The following ATP6V1E2 variants were observed in gnomAD, a reference collection of about 807,000 sequenced individuals.
ATP6V1E2 encodes the protein ATPase H+ transporting V1 subunit E2.
For synonymous variants in ATP6V1E2, 121 were observed against 104.2 expected, an observed-to-expected ratio of 1.16 and a Z score of -0.98; for missense variants, 308 against 273.3, an observed-to-expected ratio of 1.13 and a Z score of -0.90.
Position 46,512,067 on chromosome 2 carries a change from C to G in ATP6V1E2, c.645G>C (p.Leu215Phe), listed in dbSNP as rs183405788. ...KQKMPEIRMA[L>F]FGANTNRKFF... ...ACTTTCTGTTGGTGTTAGCACCAAA[C>G]AAGGCCATTCGTATTTCTGGCATCT... is the stretch of plus-strand genomic sequence containing the variant. The change falls in exon 5 of 5, where the codon TTG (leucine) becomes TTC (phenylalanine). Residue 215 changes from leucine to phenylalanine, a missense_variant. Transcript: ENST00000522587. The G allele has an allele frequency of 6.2e-7, 1 of 1,611,306 alleles. No individual in the cohort carries two copies. Among genetic ancestry groups the G allele is most frequent in the Non-Finnish European group, 8.5e-7 (1 of 1,178,702 alleles).
chr2:46,527,029 C>T (rs991132531), intron 4 of ATP6V1E2, among the ~76,000 whole-genome samples: 6 of 152,108 alleles, frequency 3.9e-5, no homozygotes, highest in African/African-American at 1.4e-4. Context: ...CACATCTTTG[C>T]CAGTACTTGC....
At chr2:46,540,693 G>T (rs1667709191) in intron 2 of ATP6V1E2, among the ~76,000 whole-genome samples, 1 of 141,562 alleles carries the variant, frequency 7.1e-6, no homozygotes, top group African/African-American at 2.7e-5. Flanking sequence ...TTCTGTTGCG[G>T]TCTGATTGGT....
In ATP6V1E2 at chr2:46,525,193, G is replaced by A. The variant is rs190391156; in HGVS notation, c.-102+10620C>T. 9.2e-4 allele frequency among the ~76,000 whole-genome samples: 139 copies of A among 151,736 alleles called. 2 individuals are homozygous for A. Among genetic ancestry groups the A allele is most frequent in the Non-Finnish European group, 1.4e-3 (98 of 67,894 alleles). On this transcript the variant is annotated intron_variant, in intron 4 of 4. Transcript: ENST00000522587. ...AGGTTGTGAGAAAGCAGGGACAGGC[G>A]GCCGGGCGCGGTGGCTCACGCCTGT...
intron 4 of ATP6V1E2, among the ~76,000 whole-genome samples, chr2:46,525,261 T>G (rs1317902879): frequency 6.7e-6 from 1 of 149,548 alleles, no homozygotes; most frequent in Non-Finnish European, 1.5e-5. Context: ...GATCACGAGG[T>G]CAGGAGATCG....
intron 2 of ATP6V1E2, among the ~76,000 whole-genome samples, chr2:46,540,440 A>T (rs1457496004): frequency 6.6e-6 from 1 of 150,598 alleles, no homozygotes; most frequent in Non-Finnish European, 1.5e-5. Flanking sequence ...CTATCTCAAA[A>T]AAAAAAAAAA....
rs1687485751 is a variant in ATP6V1E2 at position 46,512,147 on chromosome 2, T to C, written c.565A>G (p.Arg189Gly). The part of the protein sequence containing the change: ...GGVEVYSGNQ[R>G]IKVSNTLESR... Reference sequence around the variant, plus strand: ...TCCAAGGTATTTGAAACCTTTATTCTCTGATTGCCACTGTAGACCTCCACA... The same window carrying C: ...TCCAAGGTATTTGAAACCTTTATTCCCTGATTGCCACTGTAGACCTCCACA... Residue 189 changes from arginine (R) to glycine (G), a missense_variant, in exon 5 of 5, where the codon AGA (arginine) becomes GGA (glycine). Arg to Gly is a moderately radical substitution (Grantham distance 125, BLOSUM62 -2). Coordinates refer to ENST00000522587, the MANE Select transcript of ATP6V1E2 (RefSeq NM_001318063.2). 6.2e-7 allele frequency: 1 copy of C among 1,614,202 alleles called. No individual in the cohort carries two copies. The highest frequency in any genetic ancestry group is 1.3e-5 in the African/African-American group (1 of 75,048).
At chr2:46,518,755 A>ATT (rs1256955065) in intron 4 of ATP6V1E2, among the ~76,000 whole-genome samples, 1 of 117,628 alleles carries the variant, frequency 8.5e-6, no homozygotes, top group Middle Eastern at 4.7e-3. Context: ...AGACAAGTCA[A>ATT]TTTTGTGTGT....
At chr2:46,523,367 G>A (rs1666735228) in intron 4 of ATP6V1E2, among the ~76,000 whole-genome samples, 1 of 152,032 alleles carries the variant, frequency 6.6e-6, no homozygotes, top group South Asian at 2.1e-4. Context: ...TTATGGTTTG[G>A]GGTTTTACAT....
rs1052944359 is a variant in ATP6V1E2 at position 46,541,431 on chromosome 2, C to A, written c.-351G>T. On this transcript the variant is annotated 5_prime_UTR_variant, in exon 2 of 5. Coordinates refer to ENST00000522587, the MANE Select transcript of ATP6V1E2 (RefSeq NM_001318063.2). ...TTCCTGGGAGAGTGGAAATCAGATTCGGAGTTTGAGAGTTCAGGCCTCCTG... is the reference window on the plus strand; with the variant it reads ...TTCCTGGGAGAGTGGAAATCAGATTAGGAGTTTGAGAGTTCAGGCCTCCTG... 5 of 152,174 alleles carry A rather than the reference C, an allele frequency of 3.3e-5. No individual in the cohort carries two copies. Among genetic ancestry groups the A allele is most frequent in the African/African-American group, 1.2e-4 (5 of 41,418 alleles). The allele number at this position is 152,174 out of a possible 1,614,324, so 9.4% of individuals were successfully genotyped here.
chr2:46,517,372 T>C (rs1290901007), intron 4 of ATP6V1E2, among the ~76,000 whole-genome samples: 4 of 152,158 alleles, frequency 2.6e-5, no homozygotes, highest in Non-Finnish European at 4.4e-5. Context: ...CCTGAAACGA[T>C]AAAATTCCTA....
intron 2 of ATP6V1E2, among the ~76,000 whole-genome samples, chr2:46,540,613 CTTT>C (rs59810518): frequency 8.6e-5 from 10 of 115,666 alleles, no homozygotes; most frequent in African/African-American, 2.4e-4. Context: ...TTTTCTGTAA[CTTT>C]TTTTTTTTTT....
chr2:46,512,890 T>A, intron 4 of ATP6V1E2, 78 bp from the exon 5 acceptor site: 1 of 570,492 alleles, frequency 1.8e-6, no homozygotes, highest in Non-Finnish European at 3.1e-6. Context: ...TATATACCCC[T>A]CACTTCACAG....
chr2:46,531,443 G>C (rs892316549), intron 4 of ATP6V1E2, among the ~76,000 whole-genome samples: 1 of 152,256 alleles, frequency 6.6e-6, no homozygotes, highest in African/African-American at 2.4e-5. Context: ...AAACATTTGA[G>C]CTGTCTTCAC....
intron 4 of ATP6V1E2, chr2:46,519,405 G>A (rs983412380): frequency 3.9e-5 from 6 of 152,208 alleles, no homozygotes; most frequent in African/African-American, 1.4e-4. Flanking sequence ...ACCAGCACAA[G>A]CAAAATTCAC....
chr2:46,533,201 GTGTAGATAGATAGATA>G (rs1667269787), intron 4 of ATP6V1E2, among the ~76,000 whole-genome samples: 1 of 131,740 alleles, frequency 7.6e-6, no homozygotes, highest in Non-Finnish European at 1.6e-5. Context: ...GTGCATGTAT[GTGTAGATAGATAGATA>G]GATAGATAGA....
chr2:46,524,010 A>G (rs1196347466), intron 4 of ATP6V1E2, among the ~76,000 whole-genome samples: 1 of 152,168 alleles, frequency 6.6e-6, no homozygotes, highest in Non-Finnish European at 1.5e-5. Context: ...ATGGGAGTTC[A>G]TTCATGATTT....
At position 46,512,377 on chromosome 2, in the gene ATP6V1E2, T is replaced by C. The variant is rs761724865; in HGVS notation, c.335A>G (p.Tyr112Cys). 3 of 1,614,020 alleles carry C rather than the reference T, an allele frequency of 1.9e-6. No homozygotes were observed. The highest frequency in any genetic ancestry group is 1.7e-6 in the Non-Finnish European group (2 of 1,180,032). ...CACCAGTTTATCCAGCAGCCCCTGG[T>C]AGACCTCTGGGTCCTCCACAATCCT... ...LSRIVEDPEV[Y>C]QGLLDKLVLQ... The change falls in exon 5 of 5, where the codon TAC becomes TGC. Residue 112 changes from tyrosine to cysteine, a missense_variant. Coordinates refer to ENST00000522587, the MANE Select transcript of ATP6V1E2 (RefSeq NM_001318063.2).
At chr2:46,524,685 C>G (rs72800531) in intron 4 of ATP6V1E2, among the ~76,000 whole-genome samples, 1 of 152,078 alleles carries the variant, frequency 6.6e-6, no homozygotes, top group Non-Finnish European at 1.5e-5. Flanking sequence ...TAAGGATGGG[C>G]GCTGAGAGAT....
At chr2:46,527,332 C>T (rs879479572) in intron 4 of ATP6V1E2, among the ~76,000 whole-genome samples, 16 of 152,184 alleles carry the variant, frequency 1.1e-4, no homozygotes, top group Non-Finnish European at 2.1e-4. Flanking sequence ...CGCCATTCTC[C>T]TGCCTCAGCC....
Sources: allele counts gnomAD v4.1 joint callset (sites outside exome capture counted in the v4.1 genomes callset), GRCh38; gene constraint gnomAD v4.1.1; transcripts MANE v1.5; gene names NCBI Gene and HGNC (gene_info 2026-07-23, HGNC 2026-07-21).